Variants in SLC4A10 observed in about 807,000 individuals in gnomAD.
The protein encoded by SLC4A10 is solute carrier family 4 member 10, also known as sodium-driven chloride bicarbonate exchanger.
A neutral mutation model predicts 137.7 loss-of-function variants in SLC4A10; 42 were observed. The observed-to-expected ratio is 0.30, with a 90% CI of 0.24 to 0.39. SLC4A10 has a LOEUF of 0.39. Ranked by LOEUF, SLC4A10 falls within the 10% of genes least tolerant of loss-of-function variation. The pLI is 1.00. For missense variants in SLC4A10, 925 were observed against 1,355.0 expected (o/e 0.68, Z 4.98); for synonymous variants, 474 against 464.1 (o/e 1.02, Z -0.27).
At chr2:161,852,079 C>T (rs888321810) in intron 4 of SLC4A10, among the ~76,000 whole-genome samples, 2 of 152,088 alleles carry the variant, frequency 1.3e-5, no homozygotes, top group Non-Finnish European at 2.9e-5. Context: ...CTTGCAGAGA[C>T]GTCATCTCAC....
intron 1 of SLC4A10, among the ~76,000 whole-genome samples, chr2:161,723,027 T>C (rs1372951201): frequency 6.6e-6 from 1 of 152,136 alleles, no homozygotes; most frequent in African/African-American, 2.4e-5. Context: ...CTAGCACTGG[T>C]AGGGGAAAGC....
At chr2:161,634,012 G>T (rs1157703300) in intron 1 of SLC4A10, among the ~76,000 whole-genome samples, 3 of 151,672 alleles carry the variant, frequency 2.0e-5, no homozygotes, top group Non-Finnish European at 1.5e-5. Context: ...AGTTAACACT[G>T]ATACAATTAT....
chr2:161,875,887 TC>T (rs780674129), intron 8 of SLC4A10, among the ~76,000 whole-genome samples: 5 of 152,160 alleles, frequency 3.3e-5, no homozygotes, highest in Non-Finnish European at 5.9e-5. Flanking sequence ...CACCATTTCT[TC>T]CCAGAGAATC....
chr2:161,928,559 A>C (rs866382717), intron 15 of SLC4A10, among the ~76,000 whole-genome samples: 1 of 150,164 alleles, frequency 6.7e-6, no homozygotes. Context: ...TATAATAAAA[A>C]TATCTTGAAA....
chr2:161,820,776 C>T (rs1221652299), intron 3 of SLC4A10, among the ~76,000 whole-genome samples: 1 of 152,144 alleles, frequency 6.6e-6, no homozygotes, highest in Non-Finnish European at 1.5e-5. Flanking sequence ...TTTTGGTATA[C>T]ATATGCATTT....
intron 19 of SLC4A10, among the ~76,000 whole-genome samples, chr2:161,953,420 C>T (rs1054415244): frequency 3.3e-5 from 5 of 151,982 alleles, no homozygotes; most frequent in African/African-American, 1.2e-4. Flanking sequence ...CCAGCCTGGC[C>T]AACATGGTGA....
chr2:161,715,667 G>T (rs1336411913), intron 1 of SLC4A10, among the ~76,000 whole-genome samples: 1 of 151,994 alleles, frequency 6.6e-6, no homozygotes, highest in Non-Finnish European at 1.5e-5. Context: ...TAAAAGACAT[G>T]ATCTAATTCC....
intron 1 of SLC4A10, among the ~76,000 whole-genome samples, chr2:161,738,701 C>G (rs116269848): frequency 6.6e-6 from 1 of 152,176 alleles, no homozygotes; most frequent in African/African-American, 2.4e-5. Flanking sequence ...ATTCCTTACT[C>G]GTTTAGTCAT....
intron 1 of SLC4A10, among the ~76,000 whole-genome samples, chr2:161,705,343 CT>C (rs1252457437): frequency 6.6e-6 from 1 of 151,468 alleles, no homozygotes; most frequent in African/African-American, 2.4e-5. Flanking sequence ...TTTTCCCCAT[CT>C]GTAAAATAAG....
At chr2:161,744,721 A>C (rs1298002199) in intron 1 of SLC4A10, among the ~76,000 whole-genome samples, 1 of 152,202 alleles carries the variant, frequency 6.6e-6, no homozygotes, top group Non-Finnish European at 1.5e-5. Context: ...AGAGAAAACT[A>C]ATAAAAACTC....
At chr2:161,681,713 A>G (rs2124822451) in intron 1 of SLC4A10, among the ~76,000 whole-genome samples, 1 of 152,196 alleles carries the variant, frequency 6.6e-6, no homozygotes, top group East Asian at 1.9e-4. Context: ...CTCTTTATTA[A>G]TATACTAAGC....
intron 20 of SLC4A10, among the ~76,000 whole-genome samples, chr2:161,957,641 A>C (rs1695901602): frequency 6.6e-6 from 1 of 152,156 alleles, no homozygotes; most frequent in South Asian, 2.1e-4. Context: ...TATTAATAAG[A>C]GATAGAGGTG....
chr2:161,954,718 G>T (rs1695355806), intron 19 of SLC4A10, among the ~76,000 whole-genome samples: 1 of 152,070 alleles, frequency 6.6e-6, no homozygotes. Flanking sequence ...ATAATTAGGG[G>T]AAATTATATT....
intron 2 of SLC4A10, among the ~76,000 whole-genome samples, chr2:161,792,649 T>C (rs569836070): frequency 7.9e-5 from 12 of 152,260 alleles, no homozygotes; most frequent in African/African-American, 2.9e-4. Flanking sequence ...ATCGCCTTTC[T>C]ATAGAGTCCT....
At chr2:161,945,743 T>C (rs986938885) in intron 16 of SLC4A10, among the ~76,000 whole-genome samples, 1 of 151,838 alleles carries the variant, frequency 6.6e-6, no homozygotes, top group African/African-American at 2.4e-5. Flanking sequence ...AAAGAGAAAA[T>C]AAATAACATT....
intron 10 of SLC4A10, among the ~76,000 whole-genome samples, chr2:161,892,590 T>G (rs1413635626): frequency 1.3e-5 from 2 of 152,076 alleles, no homozygotes; most frequent in African/African-American, 2.4e-5. Flanking sequence ...CAGTTTGTAT[T>G]GAGTATCAAA....
chr2:161,674,522 T>C (rs1574271030), intron 1 of SLC4A10, among the ~76,000 whole-genome samples: 1 of 152,174 alleles, frequency 6.6e-6, no homozygotes, highest in Non-Finnish European at 1.5e-5. Context: ...CTTTCTGTAA[T>C]AGAAGAAAAG....
chr2:161,827,092 T>C (rs759491358), intron 3 of SLC4A10, among the ~76,000 whole-genome samples: 1 of 152,218 alleles, frequency 6.6e-6, no homozygotes, highest in Non-Finnish European at 1.5e-5. Context: ...GTGTAATGTA[T>C]TAATCCTTTT....
intron 1 of SLC4A10, among the ~76,000 whole-genome samples, chr2:161,656,577 G>C (rs967482842): frequency 1.1e-4 from 17 of 152,014 alleles, no homozygotes; most frequent in African/African-American, 4.1e-4. Flanking sequence ...GCTCAACTTT[G>C]AAACTGTATT....
Sources: gnomAD v4.1 joint callset for allele counts (sites outside exome capture counted in the v4.1 genomes callset) on GRCh38, gnomAD v4.1.1 for gene constraint, MANE v1.5 for transcripts, NCBI Gene and HGNC (gene_info 2026-07-23, HGNC 2026-07-21) for gene names.